The following ZBTB34 variants were observed in gnomAD, a reference collection of about 807,000 sequenced individuals.
The protein encoded by ZBTB34 is zinc finger and BTB domain containing 34.
ZBTB34 carries 1 observed loss-of-function variant against 33.4 expected under a neutral mutation model. The observed-to-expected ratio is 0.03, with a 90% CI of 0.01 to 0.14. The LOEUF is 0.14. Among genes scored for constraint, ZBTB34 ranks in the 10% least tolerant of loss-of-function variants. The pLI, the probability that ZBTB34 is intolerant of heterozygous loss-of-function variation, is 1.00. For synonymous variants in ZBTB34, 283 were observed against 253.5 expected (o/e 1.12, Z -1.11); for missense variants, 406 against 657.2 (o/e 0.62, Z 4.18).
chr9:126,884,790 T>A (rs1341495749), exon 2 of ZBTB34: 1 of 167,044 alleles, frequency 6.0e-6, no homozygotes, highest in Non-Finnish European at 1.5e-5. Flanking sequence ...AAGAGATCAA[T>A]GTATTTTATT....
At chr9:126,876,914 T>C (rs1000608731) in intron 1 of ZBTB34, among the ~76,000 whole-genome samples, 2 of 152,220 alleles carry the variant, frequency 1.3e-5, no homozygotes, top group African/African-American at 4.8e-5. Context: ...AATTCGGACA[T>C]GATCTAGGCA....
intron 1 of ZBTB34, among the ~76,000 whole-genome samples, chr9:126,862,488 C>T (rs1246188707): frequency 6.6e-6 from 1 of 152,196 alleles, no homozygotes; most frequent in African/African-American, 2.4e-5. Context: ...TGGCCCCACC[C>T]CACCTACCTG....
At chr9:126,871,182 GGTGTGT>G (rs1051590372) in intron 1 of ZBTB34, among the ~76,000 whole-genome samples, 3 of 122,372 alleles carry the variant, frequency 2.5e-5, no homozygotes, top group African/African-American at 6.4e-5. Context: ...AAGTGAGGGG[GGTGTGT>G]GTGTGTGTGT....
chr9:126,884,457 TG>T (rs2119243149), exon 2 of ZBTB34: 1 of 133,226 alleles, frequency 7.5e-6, no homozygotes, highest in South Asian at 3.5e-4. Flanking sequence ...TTGTGTTTTT[TG>T]TTGTTGTTGT....
Position 126,879,442 on chromosome 9 carries a change from G to A in ZBTB34, c.43G>A (p.Val15Met). 1 of 1,613,568 alleles carries A rather than the reference G, an allele frequency of 6.2e-7. No individual in the cohort carries two copies. Residue 15 changes from valine (V) to methionine (M), a missense_variant, in exon 2 of 2, where the codon GTG becomes ATG. Physicochemically the swap from Val to Met is conservative, Grantham distance 21 (BLOSUM62 1). Transcript: ENST00000319119. The surrounding 1 kb of genome is among the most constrained non-coding windows in gnomAD (Gnocchi z 6.4). Reference sequence around the variant, plus strand: ...CAGCAGCAGTTTTATTCAGTTTGATGTGCCCGAGTACAGCAGCACCGTTCT... The same window carrying A: ...CAGCAGCAGTTTTATTCAGTTTGATATGCCCGAGTACAGCAGCACCGTTCT...
chr9:126,865,877 C>T (rs1044078039), intron 1 of ZBTB34, among the ~76,000 whole-genome samples: 9 of 152,124 alleles, frequency 5.9e-5, no homozygotes, highest in Admixed American at 5.9e-4. Flanking sequence ...CCCAGCTACT[C>T]AGGAGGCTGA....
chr9:126,875,142 G>A (rs567824481), intron 1 of ZBTB34, among the ~76,000 whole-genome samples: 3 of 152,298 alleles, frequency 2.0e-5, no homozygotes, highest in South Asian at 4.1e-4. Flanking sequence ...GCCATGCTGT[G>A]TGTAAAATAC....
At chr9:126,869,940 ATT>A (rs2033256660) in intron 1 of ZBTB34, among the ~76,000 whole-genome samples, 1 of 152,224 alleles carries the variant, frequency 6.6e-6, no homozygotes, top group Non-Finnish European at 1.5e-5. Context: ...AGTATCTCAC[ATT>A]CTTTTTCCAG....
At chr9:126,871,467 A>G (rs903995656) in intron 1 of ZBTB34, among the ~76,000 whole-genome samples, 4 of 151,238 alleles carry the variant, frequency 2.6e-5, no homozygotes, top group African/African-American at 9.7e-5. Context: ...GGTTCAAGCA[A>G]TTCTCCTTCC....
intron 1 of ZBTB34, among the ~76,000 whole-genome samples, chr9:126,861,861 C>T (rs1388121903): frequency 6.6e-6 from 1 of 152,174 alleles, no homozygotes; most frequent in Non-Finnish European, 1.5e-5. Context: ...GAGGTTCCCC[C>T]CTCCCCCATC....
intron 1 of ZBTB34, among the ~76,000 whole-genome samples, chr9:126,865,596 A>C (rs2033189981): frequency 6.6e-6 from 1 of 152,184 alleles, no homozygotes; most frequent in African/African-American, 2.4e-5. Context: ...TCTCTGCAGA[A>C]TGGGTCAGCA....
chr9:126,878,994 G>A (rs2033399871), intron 1 of ZBTB34, among the ~76,000 whole-genome samples: 3 of 152,232 alleles, frequency 2.0e-5, no homozygotes, highest in Middle Eastern at 3.4e-3. Context: ...AAAGTGCTGG[G>A]ATTATAGGTG....
chr9:126,868,278 G>A (rs535533710), intron 1 of ZBTB34, among the ~76,000 whole-genome samples: 2 of 152,140 alleles, frequency 1.3e-5, no homozygotes, highest in African/African-American at 2.4e-5. Flanking sequence ...GGGATCTTGC[G>A]AAGATGTCAA....
chr9:126,875,218 CATGCTGCAGTG>C (rs1588389511), intron 1 of ZBTB34, among the ~76,000 whole-genome samples: 1 of 152,154 alleles, frequency 6.6e-6, no homozygotes, highest in East Asian at 1.9e-4. Flanking sequence ...ATATTGATTA[CATGCTGCAGTG>C]ATGTATTGGG....
At chr9:126,865,076 C>G (rs537178330) in intron 1 of ZBTB34, among the ~76,000 whole-genome samples, 6 of 151,998 alleles carry the variant, frequency 3.9e-5, no homozygotes, top group African/African-American at 1.2e-4. Flanking sequence ...TGTAACTTTC[C>G]TTTCTTTTCT....
At chr9:126,865,070 ACTTTC>A (rs2033183160) in intron 1 of ZBTB34, among the ~76,000 whole-genome samples, 1 of 152,210 alleles carries the variant, frequency 6.6e-6, no homozygotes, top group African/African-American at 2.4e-5. Flanking sequence ...CAAATTTGTA[ACTTTC>A]CTTTCTTTTC....
chr9:126,870,482 A>G (rs899695015), intron 1 of ZBTB34, among the ~76,000 whole-genome samples: 27 of 152,398 alleles, frequency 1.8e-4, no homozygotes, highest in South Asian at 6.2e-4. Flanking sequence ...CTTGCAGCGC[A>G]TGACAAAAGG....
chr9:126,868,383 C>T (rs1280638705), intron 1 of ZBTB34, among the ~76,000 whole-genome samples: 1 of 152,140 alleles, frequency 6.6e-6, no homozygotes, highest in Non-Finnish European at 1.5e-5. Flanking sequence ...CCAGAGCCCC[C>T]GCTTTGGCTT....
intron 1 of ZBTB34, among the ~76,000 whole-genome samples, chr9:126,865,772 G>C (rs2072180836): frequency 6.6e-6 from 1 of 152,154 alleles, no homozygotes; most frequent in East Asian, 1.9e-4. Flanking sequence ...ATCCCTTGAG[G>C]CCAGGAGTTC....
Sources: allele counts gnomAD v4.1 joint callset (sites outside exome capture counted in the v4.1 genomes callset), GRCh38; gene constraint gnomAD v4.1.1; non-coding constraint Gnocchi (gnomAD v3.1); transcripts MANE v1.5; gene names NCBI Gene and HGNC (gene_info 2026-07-23, HGNC 2026-07-21).